Variants in PPP3CC observed in about 807,000 individuals in gnomAD.
PPP3CC encodes serine/threonine-protein phosphatase 2B catalytic subunit gamma isoform.
A neutral mutation model predicts 60.3 loss-of-function variants in PPP3CC; 35 were observed. That is an observed-to-expected ratio of 0.58 (90% CI 0.44 to 0.77). PPP3CC has a LOEUF of 0.77. Ranked by LOEUF, PPP3CC falls within the 30% of genes least tolerant of loss-of-function variation. The pLI is 0.00. For missense variants in PPP3CC, 570 were observed against 628.9 expected (o/e 0.91, Z 1.00); for synonymous variants, 206 against 224.3 (o/e 0.92, Z 0.73).
intron 6 of PPP3CC, among the ~76,000 whole-genome samples, chr8:22,513,737 T>A (rs1224165685): frequency 2.0e-5 from 3 of 152,096 alleles, no homozygotes; most frequent in Middle Eastern, 3.2e-3. Context: ...TTAAAAAAAA[T>A]TAAAGCTTTC....
At chr8:22,521,094 A>G (rs1033562014) in intron 6 of PPP3CC, among the ~76,000 whole-genome samples, 3 of 152,168 alleles carry the variant, frequency 2.0e-5, no homozygotes, top group South Asian at 2.1e-4. Context: ...AGTATGTCCC[A>G]TGGATGGGGA....
intron 1 of PPP3CC, among the ~76,000 whole-genome samples, chr8:22,473,832 G>A (rs1837805766): frequency 6.6e-6 from 1 of 152,122 alleles, no homozygotes; most frequent in Non-Finnish European, 1.5e-5. Context: ...CATCTTGGTA[G>A]TAGTGTTCTT....
At chr8:22,499,187 C>A (rs1160574587) in intron 4 of PPP3CC, among the ~76,000 whole-genome samples, 2 of 151,234 alleles carry the variant, frequency 1.3e-5, no homozygotes, top group African/African-American at 4.9e-5. Context: ...CGCCTGTAAT[C>A]CCAGCACTTT....
chr8:22,482,452 AG>A (rs1433990093), intron 3 of PPP3CC, among the ~76,000 whole-genome samples: 2 of 152,180 alleles, frequency 1.3e-5, no homozygotes, highest in Non-Finnish European at 2.9e-5. Flanking sequence ...TCAGATGGAT[AG>A]ATTGCAAAAA....
chr8:22,474,079 G>A (rs891223352), intron 1 of PPP3CC, among the ~76,000 whole-genome samples: 5 of 151,178 alleles, frequency 3.3e-5, no homozygotes, highest in Non-Finnish European at 7.4e-5. Flanking sequence ...ATTTTTAGTA[G>A]AGGTGGAGTT....
At chr8:22,526,099 C>G (rs2117131522) in intron 8 of PPP3CC, among the ~76,000 whole-genome samples, 1 of 152,264 alleles carries the variant, frequency 6.6e-6, no homozygotes, top group East Asian at 1.9e-4. Flanking sequence ...ATCTCCTGAG[C>G]TCAGGCAATC....
chr8:22,525,450 CTCTCTCTT>C (rs1032017336), intron 8 of PPP3CC, among the ~76,000 whole-genome samples: 16 of 142,362 alleles, frequency 1.1e-4, no homozygotes, highest in African/African-American at 4.6e-4. Context: ...CTCTCTTTCT[CTCTCTCTT>C]TCTTTTCTTT....
At chr8:22,445,822 A>T (rs1836803720) in intron 1 of PPP3CC, among the ~76,000 whole-genome samples, 1 of 152,186 alleles carries the variant, frequency 6.6e-6, no homozygotes, top group Non-Finnish European at 1.5e-5. Flanking sequence ...TTTATGCTTC[A>T]TTTACCATTG....
chr8:22,465,993 C>G (rs1407966136), intron 1 of PPP3CC, among the ~76,000 whole-genome samples: 1 of 152,152 alleles, frequency 6.6e-6, no homozygotes, highest in African/African-American at 2.4e-5. Flanking sequence ...CCCCAGCCCC[C>G]CATCCTCCGA....
At chr8:22,528,660 C>T in intron 10 of PPP3CC, 83 bp downstream of exon 10, 4 of 1,016,564 alleles carry the variant, frequency 3.9e-6, no homozygotes, top group Non-Finnish European at 5.6e-6. Context: ...GAATGATTTT[C>T]TTTGTCTTAT....
chr8:22,521,980 C>A (rs1009160443), intron 6 of PPP3CC, among the ~76,000 whole-genome samples: 1 of 150,200 alleles, frequency 6.7e-6, no homozygotes, highest in African/African-American at 2.4e-5. Flanking sequence ...AAAAACAAAC[C>A]TATATATATA....
At chr8:22,492,989 T>G in intron 3 of PPP3CC, 1 of 1,276,916 alleles carries the variant, frequency 7.8e-7, no homozygotes, top group Non-Finnish European at 1.1e-6. Context: ...CCAAACAGTC[T>G]GTGAATGGAA....
At chr8:22,517,431 T>C (rs928547681) in intron 6 of PPP3CC, among the ~76,000 whole-genome samples, 1 of 129,978 alleles carries the variant, frequency 7.7e-6, no homozygotes, top group Non-Finnish European at 1.7e-5. Context: ...TTAAGAAAGA[T>C]TGGTATTAAT....
At chr8:22,462,005 TG>T (rs1837376131) in intron 1 of PPP3CC, among the ~76,000 whole-genome samples, 1 of 152,138 alleles carries the variant, frequency 6.6e-6, no homozygotes, top group Non-Finnish European at 1.5e-5. Flanking sequence ...GAGTCTAGGA[TG>T]GGAGGATCGC....
chr8:22,447,985 G>A (rs1836883920), intron 1 of PPP3CC, among the ~76,000 whole-genome samples: 1 of 152,178 alleles, frequency 6.6e-6, no homozygotes, highest in Non-Finnish European at 1.5e-5. Context: ...TTTTTGCAGT[G>A]TCTAGACAAT....
chr8:22,462,594 G>A (rs1486274110), intron 1 of PPP3CC, among the ~76,000 whole-genome samples: 7 of 148,212 alleles, frequency 4.7e-5, no homozygotes, highest in Non-Finnish European at 8.9e-5. Context: ...TTTTTGAGAC[G>A]GAGTCTTGCT....
intron 1 of PPP3CC, among the ~76,000 whole-genome samples, chr8:22,450,600 A>G (rs1428527820): frequency 1.3e-5 from 2 of 152,142 alleles, no homozygotes; most frequent in African/African-American, 2.4e-5. Context: ...TGCTGAGACT[A>G]TGTAGTCTGT....
At chr8:22,488,303 T>C (rs544599954) in intron 3 of PPP3CC, among the ~76,000 whole-genome samples, 1 of 152,364 alleles carries the variant, frequency 6.6e-6, no homozygotes, top group East Asian at 1.9e-4. Context: ...CACAAGGTTA[T>C]TTATATGTGT....
At chr8:22,463,808 C>G (rs112601491) in intron 1 of PPP3CC, among the ~76,000 whole-genome samples, 5,116 of 146,624 alleles carry the variant, frequency 0.035, 272 homozygotes, top group African/African-American at 0.12. Flanking sequence ...TTTTTTGAGA[C>G]GAAGTTTCTC....
Sources: allele counts gnomAD v4.1 joint callset (sites outside exome capture counted in the v4.1 genomes callset), GRCh38; gene constraint gnomAD v4.1.1; transcripts MANE v1.5; gene names NCBI Gene and HGNC (gene_info 2026-07-23, HGNC 2026-07-21).